Variants in SCN3A observed in about 807,000 individuals in gnomAD.
The protein encoded by SCN3A is sodium channel protein type 3 subunit alpha.
In SCN3A, 60 loss-of-function variants were observed where a neutral mutation model predicts 187.6. The observed-to-expected ratio is 0.32, with a 90% CI of 0.26 to 0.40. SCN3A has a LOEUF of 0.40. Ranked by LOEUF, SCN3A falls within the 10% of genes least tolerant of loss-of-function variation. SCN3A has a pLI of 1.00. For synonymous variants in SCN3A, 788 were observed against 829.2 expected, an observed-to-expected ratio of 0.95 and a Z score of 0.85; for missense variants, 1,601 against 2,428.2, an observed-to-expected ratio of 0.66 and a Z score of 7.16.
chr2:165,092,097 C>A lies in SCN3A; in HGVS notation c.4807+157G>T, dbSNP rs1246465509. 1.3e-6 allele frequency: 1 copy of A among 749,622 alleles called. No individual in the cohort carries two copies. Among genetic ancestry groups the A allele is most frequent in the Non-Finnish European group, 2.3e-6 (1 of 444,312 alleles). The allele number at this position is 749,622 out of a possible 1,614,324, so 46.4% of individuals were successfully genotyped here. A position where few individuals can be genotyped will look rare whatever the true frequency, so the allele number is the denominator to read the frequency against. On this transcript the variant is annotated intron_variant, in intron 27 of 27. Transcript: ENST00000283254. The surrounding 1 kb of genome is among the most constrained non-coding windows in gnomAD (Gnocchi z 4.2). ...CTAACTAGTTAGCTTTGTGAATAAA[C>A]CCAGGTTTCAGAGTTTTTATTCAAA... is the stretch of plus-strand genomic sequence containing the variant.
chr2:165,190,713 A>G (rs941924755), intron 1 of SCN3A, among the ~76,000 whole-genome samples: 2 of 150,774 alleles, frequency 1.3e-5, no homozygotes, highest in African/African-American at 4.8e-5. Context: ...CTTTAGCATG[A>G]TTCTATACTT....
At chr2:165,163,372 A>G (rs74628980) in intron 7 of SCN3A, among the ~76,000 whole-genome samples, 109 of 152,254 alleles carry the variant, frequency 7.2e-4, no homozygotes, top group Non-Finnish European at 1.1e-3. Flanking sequence ...GAGAGAGCGC[A>G]AGAGGCCCAA....
At position 165,147,028 on chromosome 2, in the gene SCN3A, G is replaced by T; in HGVS notation, c.1382C>A (p.Ala461Glu). ...TGAAGCAGCTGATGCTGCCGCAACT[G>T]CCTGTCATAAAACAAAGCCAGGCAC... ...QLKKQQEEAQ[A>E]VAAASAASRD... Residue 461 changes from alanine to glutamate, a missense_variant and splice_region_variant, in exon 12 of 28, where the codon GCA (alanine) becomes GAA (glutamate). Physicochemically the swap from Ala to Glu is moderately radical, Grantham distance 107 (BLOSUM62 -1). This residue lies in a region of SCN3A where 376 missense variants were observed against 476.0 expected (regional missense o/e 0.79). Transcript: ENST00000283254. 8.1e-6 allele frequency: 13 copies of T among 1,613,888 alleles called. No homozygotes were observed. Among genetic ancestry groups the T allele is most frequent in the Non-Finnish European group, 1.0e-5 (12 of 1,179,904 alleles).
At chr2:165,132,131 G>T (rs986078006) in intron 15 of SCN3A, among the ~76,000 whole-genome samples, 2 of 152,136 alleles carry the variant, frequency 1.3e-5, no homozygotes, top group East Asian at 3.9e-4. Context: ...AAATAAAAGA[G>T]GATACAAACA....
intron 8 of SCN3A, 81 bp downstream of exon 8, chr2:165,162,475 C>A (rs1225303279): frequency 6.3e-7 from 1 of 1,592,026 alleles, no homozygotes; most frequent in East Asian, 2.2e-5. Flanking sequence ...ACAAAGGTGG[C>A]TGTACACCCA....
rs191772855 is a variant in SCN3A at position 165,191,252 on chromosome 2, T to A, written c.-247-4505A>T. ...AGCAGTATTACACAGAAGCCTGCAA[T>A]TGCTTTCAGTCTCCCTGCTGCCAGC... On this transcript the variant is annotated intron_variant, in intron 1 of 27. Transcript: ENST00000283254. Among the ~76,000 whole-genome samples, 398 of 152,122 alleles carry A rather than the reference T, an allele frequency of 2.6e-3. 1 individual carries two copies. Among genetic ancestry groups the A allele is most frequent in the Non-Finnish European group, 2.5e-3 (172 of 67,972 alleles).
chr2:165,133,652 CTTT>C (rs570133974), intron 15 of SCN3A, among the ~76,000 whole-genome samples: 1 of 141,824 alleles, frequency 7.1e-6, no homozygotes, highest in Non-Finnish European at 1.5e-5. Context: ...CCATGTCTAG[CTTT>C]TTTTTTTTTT....
intron 18 of SCN3A, chr2:165,122,658 T>G (rs996869150): frequency 2.0e-5 from 3 of 152,250 alleles, no homozygotes; most frequent in Non-Finnish European, 1.5e-5. Flanking sequence ...CCATCTCGCC[T>G]GACCATGCTG....
chr2:165,193,105 T>C (rs1691714989), intron 1 of SCN3A, among the ~76,000 whole-genome samples: 1 of 152,178 alleles, frequency 6.6e-6, no homozygotes, highest in South Asian at 2.1e-4. Context: ...GGACTCATTA[T>C]ATTTCTAACG....
Position 165,140,858 on chromosome 2 carries a change from G to A in SCN3A, c.1812C>T (p.Ser604=), listed in dbSNP as rs781560759. ...CAAACAGTGAGTCTCTCCTGCTTTC[G>A]CTGTCTTCAAATGTGCTGTGTTCAT... The part of the protein sequence containing the change: ...ADDEHSTFED[S]ESRRDSLFVP... Residue 604 remains serine (S), a synonymous_variant, in exon 13 of 28, where the codon AGC becomes AGT. Transcript: ENST00000283254. The surrounding 1 kb of genome is among the most constrained non-coding windows in gnomAD (Gnocchi z 4.2). 12 of 1,613,890 alleles carry A rather than the reference G, an allele frequency of 7.4e-6. No individual in the cohort carries two copies. The highest frequency in any genetic ancestry group is 2.2e-5 in the South Asian group (2 of 91,074).
At chr2:165,132,186 G>A (rs1198845520) in intron 15 of SCN3A, among the ~76,000 whole-genome samples, 16 of 152,198 alleles carry the variant, frequency 1.1e-4, no homozygotes, top group African/African-American at 1.9e-4. Context: ...AATCAATATC[G>A]TGAAAATGGC....
intron 21 of SCN3A, among the ~76,000 whole-genome samples, chr2:165,104,953 CT>C (rs1323409308): frequency 6.6e-6 from 1 of 152,114 alleles, no homozygotes; most frequent in Non-Finnish European, 1.5e-5. Flanking sequence ...TTAAAACATT[CT>C]GGACTGTGGA....
intron 2 of SCN3A, among the ~76,000 whole-genome samples, chr2:165,182,601 G>A (rs887029243): frequency 2.0e-5 from 3 of 152,092 alleles, no homozygotes; most frequent in Non-Finnish European, 4.4e-5. Flanking sequence ...TAGGAGATGT[G>A]AATTAAAGTT....
At position 165,130,550 on chromosome 2, in the gene SCN3A, C is replaced by T. The variant is rs1250839747; in HGVS notation, c.2566-254G>A. 5 of 485,506 alleles carry T rather than the reference C, an allele frequency of 1.0e-5. No individual in the cohort carries two copies. In the East Asian group the frequency reaches 1.9e-4, roughly 18 times the overall value. The allele number at this position is 485,506 out of a possible 1,614,324, so 30.1% of individuals were successfully genotyped here. ...AATAAATAAAACATTTCTGATTCAT[C>T]CAAAGATATGCCCATGTAAACAAAT... On this transcript the variant is annotated intron_variant, in intron 16 of 27. Transcript: ENST00000283254.
At chr2:165,174,941 A>G (rs899198883) in intron 3 of SCN3A, among the ~76,000 whole-genome samples, 5 of 152,346 alleles carry the variant, frequency 3.3e-5, no homozygotes, top group Non-Finnish European at 7.3e-5. Flanking sequence ...TGGCCATGTA[A>G]CAGCCTGATG....
rs145058315 is a variant in SCN3A at position 165,156,841 on chromosome 2, C to T, written c.1032-938G>A. 3.9e-4 allele frequency among the ~76,000 whole-genome samples: 60 copies of T among 152,132 alleles called. No individual in the cohort carries two copies. In the East Asian group the frequency reaches 0.01, roughly 26 times the overall value. ...TACTGGGATTACAGGTGCGAGCCAC[C>T]GCACCCAGCCTTAATACATTATTAT... is the stretch of plus-strand genomic sequence containing the variant. On this transcript the variant is annotated intron_variant, in intron 9 of 27. Transcript: ENST00000283254.
At chr2:165,160,872 C>T (rs1479971174) in intron 9 of SCN3A, among the ~76,000 whole-genome samples, 3 of 152,054 alleles carry the variant, frequency 2.0e-5, no homozygotes, top group Non-Finnish European at 2.9e-5. Context: ...ATCTCCTGGC[C>T]TCAAGTAATC....
intron 2 of SCN3A, chr2:165,179,527 T>C (rs990691924): frequency 6.6e-6 from 1 of 152,204 alleles, no homozygotes. Context: ...CATGAAAAAC[T>C]TTTTACAAAT....
rs529246369 is a variant in SCN3A at position 165,127,233 on chromosome 2, A to T, written c.3393+398T>A. Among the ~76,000 whole-genome samples the T allele has an allele frequency of 2.7e-5, 4 of 150,428 alleles. No homozygotes were observed. In the East Asian group the frequency reaches 5.9e-4, roughly 22 times the overall value. ...GCCACCATGCCCAGTGAATTTTCGT[A>T]TTTTTTTTTGTAGAGAGGAGATTTT... On this transcript the variant is annotated intron_variant, in intron 18 of 27. Transcript: ENST00000283254.
Sources: allele counts gnomAD v4.1 joint callset (sites outside exome capture counted in the v4.1 genomes callset), GRCh38; gene constraint gnomAD v4.1.1; regional missense constraint gnomAD v4.1.1; non-coding constraint Gnocchi (gnomAD v3.1); transcripts MANE v1.5; gene names NCBI Gene and HGNC (gene_info 2026-07-23, HGNC 2026-07-21).